The following UBE2QL1 variants were observed in gnomAD, a reference collection of about 807,000 sequenced individuals.
UBE2QL1 encodes the protein ubiquitin conjugating enzyme E2 QL1.
A neutral mutation model predicts 12.6 loss-of-function variants in UBE2QL1; 5 were observed. The ratio of observed to expected loss-of-function variants is 0.40; its 90% CI spans 0.21 to 0.83. The LOEUF is 0.83. Ranked by LOEUF, UBE2QL1 falls within the 40% of genes least tolerant of loss-of-function variation. The pLI is 0.37. For synonymous variants in UBE2QL1, 96 were observed against 94.5 expected, an observed-to-expected ratio of 1.02 and a Z score of -0.10; for missense variants, 99 against 222.6, an observed-to-expected ratio of 0.44 and a Z score of 3.53.
intron 1 of UBE2QL1, among the ~76,000 whole-genome samples, chr5:6,468,599 G>A (rs892159300): frequency 6.6e-6 from 1 of 152,212 alleles, no homozygotes; most frequent in African/African-American, 2.4e-5. Context: ...TGGATTTGAT[G>A]CTGATGTACC....
intron 1 of UBE2QL1, among the ~76,000 whole-genome samples, chr5:6,466,663 A>G (rs1739802339): frequency 6.6e-6 from 1 of 152,246 alleles, no homozygotes; most frequent in African/African-American, 2.4e-5. Flanking sequence ...CCTTAACTGC[A>G]GTGTCAGGAA....
intron 1 of UBE2QL1, among the ~76,000 whole-genome samples, chr5:6,489,973 C>CA (rs1364935875): frequency 6.6e-6 from 1 of 152,170 alleles, no homozygotes; most frequent in Admixed American, 6.5e-5. Context: ...ATTCTGTTCG[C>CA]GAAGGTTCCT....
chr5:6,478,809 G>A lies in UBE2QL1; in HGVS notation c.355-12409G>A, dbSNP rs77126180. 0.029 allele frequency among the ~76,000 whole-genome samples: 4,405 copies of A among 152,200 alleles called. 112 individuals are homozygous for A. The highest frequency in any genetic ancestry group is 0.064 in the East Asian group (332 of 5,156). ...GGGCTGCAGGTGGATGATCTCCTGCGCACGTGGGAGAGTGATCCTAGGACG... is the reference window on the plus strand; with the variant it reads ...GGGCTGCAGGTGGATGATCTCCTGCACACGTGGGAGAGTGATCCTAGGACG... On this transcript the variant is annotated intron_variant, in intron 1 of 1. Transcript: ENST00000399816. The surrounding 1 kb of genome is among the most constrained non-coding windows in gnomAD (Gnocchi z 4.5).
At chr5:6,475,417 C>T (rs1231182310) in intron 1 of UBE2QL1, among the ~76,000 whole-genome samples, 1 of 60,990 alleles carries the variant, frequency 1.6e-5, no homozygotes, top group Non-Finnish European at 6.4e-5. Context: ...TTTGCTTTGT[C>T]TACACTGACT....
intron 1 of UBE2QL1, among the ~76,000 whole-genome samples, chr5:6,450,996 C>G (rs754245597): frequency 2.1e-4 from 32 of 152,206 alleles, no homozygotes; most frequent in Non-Finnish European, 4.4e-5. Flanking sequence ...TGGAAGAATT[C>G]TTTGCAGAAA....
chr5:6,466,523 G>A (rs896910614), intron 1 of UBE2QL1, among the ~76,000 whole-genome samples: 7 of 152,224 alleles, frequency 4.6e-5, no homozygotes, highest in Non-Finnish European at 7.3e-5. Flanking sequence ...GCAACATGGG[G>A]CCTGCCGGAC....
Position 6,495,237 on chromosome 5 carries a change from G to A in UBE2QL1, c.*3888G>A, listed in dbSNP as rs1428079528. Among the ~76,000 whole-genome samples the A allele has an allele frequency of 1.3e-5, 2 of 152,172 alleles. No homozygotes were observed. The highest frequency in any genetic ancestry group is 2.1e-4 in the South Asian group (1 of 4,832). ...GAGCTGATTTCAGGAAGCAGGACAC[G>A]GTCCCACCTGACAGCCTAGCCTGGC... is the stretch of plus-strand genomic sequence containing the variant. On this transcript the variant is annotated 3_prime_UTR_variant, in exon 2 of 2. Transcript: ENST00000399816.
chr5:6,458,800 T>C (rs552686626), intron 1 of UBE2QL1, among the ~76,000 whole-genome samples: 82 of 152,384 alleles, frequency 5.4e-4, no homozygotes, highest in South Asian at 1.9e-3. Context: ...AAATTAACTG[T>C]AACTAGTTGA....
intron 1 of UBE2QL1, among the ~76,000 whole-genome samples, chr5:6,461,183 C>G (rs995262535): frequency 6.6e-6 from 1 of 152,250 alleles, no homozygotes; most frequent in South Asian, 2.1e-4. Context: ...TATGGTCTTA[C>G]TGCAATTGGA....
intron 1 of UBE2QL1, among the ~76,000 whole-genome samples, chr5:6,484,904 C>T (rs990586127): frequency 1.3e-5 from 2 of 151,988 alleles, no homozygotes; most frequent in African/African-American, 4.8e-5. Flanking sequence ...TGGCCTGGGG[C>T]TCCCTCCACT....
rs1260741147 is a variant in UBE2QL1 at position 6,494,227 on chromosome 5, G to A, written c.*2878G>A. ...GCTGGGTAAGGCCTGCACATGGTCT[G>A]TCTGTAACTTTCTAGAAGACTGAGA... On this transcript the variant is annotated 3_prime_UTR_variant, in exon 2 of 2. Transcript: ENST00000399816. 2 of 152,210 alleles carry A rather than the reference G, an allele frequency of 1.3e-5. No individual in the cohort carries two copies. The highest frequency in any genetic ancestry group is 2.1e-4 in the South Asian group (1 of 4,828). 9.4% of individuals were successfully genotyped at this position (152,210 alleles called of 1,614,324 possible).
intron 1 of UBE2QL1, among the ~76,000 whole-genome samples, chr5:6,449,604 C>T (rs1739370751): frequency 6.6e-6 from 1 of 151,848 alleles, no homozygotes; most frequent in South Asian, 2.1e-4. Context: ...CTCTCCCATA[C>T]CCTCCTCTCC....
intron 1 of UBE2QL1, among the ~76,000 whole-genome samples, chr5:6,484,523 A>G (rs16877367): frequency 0.025 from 3,823 of 151,910 alleles, 144 homozygotes; most frequent in African/African-American, 0.087. Context: ...CCAGTTTCCT[A>G]CTCGTTGCAA....
intron 1 of UBE2QL1, among the ~76,000 whole-genome samples, chr5:6,474,238 A>G (rs1267894445): frequency 6.6e-6 from 1 of 152,250 alleles, no homozygotes; most frequent in Non-Finnish European, 1.5e-5. Context: ...CTATGCCTGC[A>G]TGTGGATCTT....
At chr5:6,453,639 A>G (rs890738143) in intron 1 of UBE2QL1, among the ~76,000 whole-genome samples, 1 of 152,168 alleles carries the variant, frequency 6.6e-6, no homozygotes, top group Non-Finnish European at 1.5e-5. Context: ...TGATGTCACT[A>G]AAATCCACCT....
chr5:6,495,968 A>G lies in UBE2QL1; in HGVS notation c.*4619A>G, dbSNP rs1734659057. Among the ~76,000 whole-genome samples the G allele has an allele frequency of 6.6e-6, 1 of 152,232 alleles. No homozygotes were observed. Among genetic ancestry groups the G allele is most frequent in the Non-Finnish European group, 1.5e-5 (1 of 68,048 alleles). On this transcript the variant is annotated 3_prime_UTR_variant, in exon 2 of 2. Coordinates refer to ENST00000399816, the MANE Select transcript of UBE2QL1 (RefSeq NM_001145161.3). ...TCTGTTGACATTCGGGAAAGCAATA[A>G]GTAATGTTAGTTTGGTTCCAGAAGA...
chr5:6,461,540 A>C (rs62331849), intron 1 of UBE2QL1, among the ~76,000 whole-genome samples: 5,284 of 45,320 alleles, frequency 0.12, 60 homozygotes, highest in Non-Finnish European at 0.16. Flanking sequence ...TTCAGCACCC[A>C]CCACCCCCCC....
intron 1 of UBE2QL1, among the ~76,000 whole-genome samples, chr5:6,469,737 TC>T (rs1477527549): frequency 6.6e-6 from 1 of 152,070 alleles, no homozygotes; most frequent in Non-Finnish European, 1.5e-5. Flanking sequence ...ATTTAAATGA[TC>T]TATAGGGACT....
At chr5:6,483,736 A>G (rs1734410797) in intron 1 of UBE2QL1, among the ~76,000 whole-genome samples, 2 of 152,332 alleles carry the variant, frequency 1.3e-5, no homozygotes, top group Non-Finnish European at 1.5e-5. Context: ...GAGCAGGGCC[A>G]TGGAGGAGAG....
Sources: gnomAD v4.1 joint callset for allele counts (sites outside exome capture counted in the v4.1 genomes callset) on GRCh38, gnomAD v4.1.1 for gene constraint, Gnocchi (gnomAD v3.1) non-coding constraint, MANE v1.5 for transcripts, NCBI Gene and HGNC (gene_info 2026-07-23, HGNC 2026-07-21) for gene names.